The following JPH2 variants were observed in gnomAD, a reference collection of about 807,000 sequenced individuals.
The protein encoded by JPH2 is junctophilin-2.
Under a neutral mutation model 55.9 loss-of-function variants are expected in JPH2, and 38 were observed. The ratio of observed to expected loss-of-function variants is 0.68; its 90% CI spans 0.52 to 0.89. The LOEUF (loss-of-function observed/expected upper bound fraction) is 0.89. Ranked by LOEUF, JPH2 falls within the 40% of genes least tolerant of loss-of-function variation. The probability of loss-of-function intolerance (pLI) is 0.00; values close to 1 mark genes in which losing one functional copy is unlikely to be tolerated. For missense variants in JPH2, 964 were observed against 1,037.6 expected (o/e 0.93, Z 0.97); for synonymous variants, 480 against 472.4 (o/e 1.02, Z -0.21).
chr20:44,123,809 G>A (rs2072256757), intron 2 of JPH2, among the ~76,000 whole-genome samples: 1 of 152,218 alleles, frequency 6.6e-6, no homozygotes, highest in African/African-American at 2.4e-5. Flanking sequence ...ACTTAAGTTT[G>A]AGAAGCACGT....
At chr20:44,146,310 G>A (rs2072494293) in intron 2 of JPH2, among the ~76,000 whole-genome samples, 1 of 152,022 alleles carries the variant, frequency 6.6e-6, no homozygotes, top group Non-Finnish European at 1.5e-5. Flanking sequence ...TGGGATTCCA[G>A]GCATGAGCCA....
At chr20:44,162,777 TATATATATATACAC>T (rs1312653750) in intron 1 of JPH2, among the ~76,000 whole-genome samples, 90 of 80,466 alleles carry the variant, frequency 1.1e-3, no homozygotes, top group Non-Finnish European at 1.8e-3. Flanking sequence ...TATATATATA[TATATATATATACAC>T]ACACACACAC....
chr20:44,156,465 T>C (rs113983684), intron 2 of JPH2, among the ~76,000 whole-genome samples: 81 of 152,308 alleles, frequency 5.3e-4, no homozygotes, highest in African/African-American at 1.8e-3. Context: ...CTGCCTGTCT[T>C]AGACCATCTG....
At chr20:44,149,073 A>AT (rs895065376) in intron 2 of JPH2, among the ~76,000 whole-genome samples, 12 of 151,864 alleles carry the variant, frequency 7.9e-5, no homozygotes, top group African/African-American at 2.7e-4. Flanking sequence ...CTCAAAAAAA[A>AT]AAAACATTCT....
intron 1 of JPH2, among the ~76,000 whole-genome samples, chr20:44,171,428 C>T (rs150444125): frequency 3.0e-4 from 46 of 152,266 alleles, no homozygotes; most frequent in Non-Finnish European, 6.2e-4. Flanking sequence ...CCTGGCAGCT[C>T]GGGGAATGTG....
At chr20:44,116,923 T>C (rs913965509) in intron 3 of JPH2, among the ~76,000 whole-genome samples, 1 of 152,228 alleles carries the variant, frequency 6.6e-6, no homozygotes, top group African/African-American at 2.4e-5. Flanking sequence ...AGGCCTCCTT[T>C]GGCCTCCTTT....
rs1339089624 is a variant in JPH2 at position 44,116,009 on chromosome 20, G to A, written c.1666C>T (p.Arg556Trp). ...EALQAPPAPSREPEVALYQGY... is the reference protein window; with the variant it reads ...EALQAPPAPSWEPEVALYQGY... ...TGGTAAAGCGCCACCTCCGGCTCCCGCGACGGCGCAGGCGGTGCCTGCAGA... is the reference window on the plus strand; with the variant it reads ...TGGTAAAGCGCCACCTCCGGCTCCCACGACGGCGCAGGCGGTGCCTGCAGA... The change falls in exon 4 of 6, where the codon CGG becomes TGG. Residue 556 changes from arginine (R) to tryptophan (W), a missense_variant. By Grantham distance (101) the Arg-to-Trp change is moderately radical. Coordinates refer to ENST00000372980, the MANE Select transcript of JPH2 (RefSeq NM_020433.5). The A allele has an allele frequency of 6.3e-7, 1 of 1,581,036 alleles. No individual in the cohort carries two copies. The highest frequency in any genetic ancestry group is 8.5e-7 in the Non-Finnish European group (1 of 1,171,834).
rs6031422 is a variant in JPH2, at chr20:44,156,589, C to T, written c.1169+3029G>A. Among the ~76,000 whole-genome samples the T allele has an allele frequency of 7.6e-3, 1,158 of 152,174 alleles. 12 individuals are homozygous for T. Among genetic ancestry groups the T allele is most frequent in the African/African-American group, 0.026 (1,066 of 41,484 alleles). On this transcript the variant is annotated intron_variant, in intron 2 of 5. Coordinates refer to ENST00000372980, the MANE Select transcript of JPH2 (RefSeq NM_020433.5). ...ATTGTCTTCCTCCAAAATGGCACTT[C>T]GCACACTACATTCTCCAGAGGGGAG...
intron 1 of JPH2, among the ~76,000 whole-genome samples, chr20:44,165,936 C>A (rs2072653030): frequency 6.6e-6 from 1 of 152,172 alleles, no homozygotes; most frequent in Non-Finnish European, 1.5e-5. Flanking sequence ...TTTCCTAGAG[C>A]ATATCTAGTG....
At chr20:44,152,016 C>T (rs904333865) in intron 2 of JPH2, among the ~76,000 whole-genome samples, 1 of 152,196 alleles carries the variant, frequency 6.6e-6, no homozygotes, top group Non-Finnish European at 1.5e-5. Context: ...TGTTGGACCC[C>T]ATCAATTTCA....
chr20:44,154,072 G>A (rs528232353), intron 2 of JPH2, among the ~76,000 whole-genome samples: 2 of 152,218 alleles, frequency 1.3e-5, no homozygotes, highest in East Asian at 1.9e-4. Flanking sequence ...GTTCCCTCTC[G>A]ATCGCTTTGT....
intron 1 of JPH2, among the ~76,000 whole-genome samples, chr20:44,166,986 T>G (rs994604602): frequency 3.9e-5 from 6 of 152,110 alleles, no homozygotes; most frequent in African/African-American, 1.4e-4. Flanking sequence ...TGCTCACCAC[T>G]CACACTCGCC....
intron 2 of JPH2, among the ~76,000 whole-genome samples, chr20:44,143,280 C>G (rs2072471012): frequency 6.6e-6 from 1 of 152,076 alleles, no homozygotes; most frequent in Non-Finnish European, 1.5e-5. Flanking sequence ...CTCCTGAAAG[C>G]AACACCCCCG....
At chr20:44,134,251 A>ACATAAATATTTAT (rs1247169093) in intron 2 of JPH2, among the ~76,000 whole-genome samples, 1 of 29,608 alleles carries the variant, frequency 3.4e-5, no homozygotes, top group African/African-American at 1.7e-4. Context: ...TTATAAATAC[A>ACATAAATATTTAT]TATAAATAAA....
At position 44,173,792 on chromosome 20, in the gene JPH2, T is replaced by C. The variant is rs536764757; in HGVS notation, c.379+12535A>G. On this transcript the variant is annotated intron_variant, in intron 1 of 5. Coordinates refer to ENST00000372980, the MANE Select transcript of JPH2 (RefSeq NM_020433.5). ...AGCCTGGCGTGGTGGCGCATGCCTG[T>C]AATCCCAGCTACTCAGGAGGCTGAG... 5.9e-5 allele frequency among the ~76,000 whole-genome samples: 9 copies of C among 152,302 alleles called. No homozygotes were observed. The South Asian group carries it at 1.7e-3, about 28-fold the overall frequency.
intron 2 of JPH2, among the ~76,000 whole-genome samples, chr20:44,135,379 C>T (rs188795748): frequency 2.0e-5 from 3 of 152,218 alleles, no homozygotes; most frequent in Non-Finnish European, 2.9e-5. Flanking sequence ...TGTGCCCTGT[C>T]GATTGTTTCT....
chr20:44,173,064 C>A (rs533736295), intron 1 of JPH2, among the ~76,000 whole-genome samples: 1 of 152,158 alleles, frequency 6.6e-6, no homozygotes, highest in Non-Finnish European at 1.5e-5. Context: ...TGGACATAGA[C>A]CAAACTAACT....
At chr20:44,144,780 G>A (rs573102996) in intron 2 of JPH2, among the ~76,000 whole-genome samples, 2 of 152,314 alleles carry the variant, frequency 1.3e-5, no homozygotes, top group East Asian at 1.9e-4. Flanking sequence ...CACCTCCTTC[G>A]TGAGGTTTAC....
chr20:44,135,494 C>T (rs1456837188), intron 2 of JPH2, among the ~76,000 whole-genome samples: 1 of 152,152 alleles, frequency 6.6e-6, no homozygotes, highest in Non-Finnish European at 1.5e-5. Context: ...CCTTCAGGAC[C>T]CTTCCCCAGG....
Sources: allele counts gnomAD v4.1 joint callset (sites outside exome capture counted in the v4.1 genomes callset), GRCh38; gene constraint gnomAD v4.1.1; transcripts MANE v1.5; gene names NCBI Gene and HGNC (gene_info 2026-07-23, HGNC 2026-07-21).